The following RYR3 variants were observed in gnomAD, a reference collection of about 807,000 sequenced individuals.
RYR3 encodes ryanodine receptor 3, also known as brain ryanodine receptor-calcium release channel.
A neutral mutation model predicts 584.3 loss-of-function variants in RYR3; 207 were observed. The ratio of observed to expected loss-of-function variants is 0.35; its 90% confidence interval spans 0.32 to 0.40. The LOEUF is 0.40. Ranked by LOEUF, RYR3 falls within the 10% of genes least tolerant of loss-of-function variation. RYR3 has a pLI of 1.00. For synonymous variants in RYR3, 2,416 were observed against 2,248.5 expected (o/e 1.07, Z -2.11); for missense variants, 5,616 against 6,089.2 (o/e 0.92, Z 2.59).
chr15:33,723,991 C>A, intron 44 of RYR3, 74 bp from the exon 45 acceptor site: 1 of 757,534 alleles, frequency 1.3e-6, no homozygotes. Flanking sequence ...GCTTCCATAT[C>A]AAGCAGCTTA....
chr15:33,378,578 AG>A (rs2040924736), intron 1 of RYR3, among the ~76,000 whole-genome samples: 1 of 152,224 alleles, frequency 6.6e-6, no homozygotes, highest in Non-Finnish European at 1.5e-5. Context: ...GAAGGGATCT[AG>A]TGTTTTTTAT....
intron 25 of RYR3, 140 bp from the exon 26 acceptor site, chr15:33,635,474 G>A: frequency 1.5e-6 from 1 of 656,288 alleles, no homozygotes; most frequent in Non-Finnish European, 2.7e-6. Flanking sequence ...TGAACAGAAT[G>A]CCATATTGGA....
chr15:33,724,393 T>A (rs1366186577), intron 45 of RYR3, among the ~76,000 whole-genome samples: 2 of 152,226 alleles, frequency 1.3e-5, no homozygotes, highest in Non-Finnish European at 2.9e-5. Context: ...CTTGTGTGAT[T>A]TCTCTGTGGC....
chr15:33,784,193 G>T (rs892728542), intron 65 of RYR3, among the ~76,000 whole-genome samples: 2 of 152,202 alleles, frequency 1.3e-5, no homozygotes, highest in African/African-American at 4.8e-5. Flanking sequence ...CTCCAAGATA[G>T]CTGGGATTAT....
At chr15:33,851,532 A>G (rs1465100608) in intron 94 of RYR3, 2 of 152,126 alleles carry the variant, frequency 1.3e-5, no homozygotes, top group Non-Finnish European at 2.9e-5. Context: ...TCTCTATGCC[A>G]CACTTTAAGG....
At chr15:33,786,114 C>T (rs1199638796) in intron 66 of RYR3, 132 bp downstream of exon 66, 10 of 717,726 alleles carry the variant, frequency 1.4e-5, no homozygotes, top group Admixed American at 3.1e-5. Context: ...CATGCCCACC[C>T]CAGTTGCTTA....
chr15:33,384,909 G>T (rs1595921025), intron 1 of RYR3, among the ~76,000 whole-genome samples: 3 of 152,038 alleles, frequency 2.0e-5, no homozygotes, highest in African/African-American at 7.2e-5. Context: ...AGGTAGTGTG[G>T]AATTTCCAAC....
rs760734983 is a variant in RYR3, at chr15:33,660,413, G to A, written c.4612G>A (p.Glu1538Lys). Residue 1538 changes from glutamate to lysine, a missense_variant, in exon 34 of 104, where the codon GAG becomes AAG. Physicochemically the swap from Glu to Lys is moderately conservative, Grantham distance 56. Coordinates refer to ENST00000634891, the MANE Select transcript of RYR3 (RefSeq NM_001036.6). Reference protein sequence around the residue: ...PLQMMALHIPEENRCVDILEL... With the variant: ...PLQMMALHIPKENRCVDILEL... ...GCAGATGATGGCGCTCCACATCCCC[G>A]AGGAGAACAGGTACCAGAGGGGCCC... The A allele has an allele frequency of 1.2e-5, 18 of 1,562,142 alleles. No homozygotes were observed. The highest frequency in any genetic ancestry group is 4.7e-5 in the South Asian group (4 of 84,454).
In RYR3 at chr15:33,444,993, T is replaced by C. The variant is rs182322606; in HGVS notation, c.52-28426T>C. ...GGAAATGAAGACAGTGAGTAGCCTA[T>C]GTAGGGCTTTAGAGGGCACTATAAG... On this transcript the variant is annotated intron_variant, in intron 1 of 103. Transcript: ENST00000634891. Among the ~76,000 whole-genome samples, 329 of 152,112 alleles carry C rather than the reference T, an allele frequency of 2.2e-3. 2 individuals carry two copies. The highest frequency in any genetic ancestry group is 7.7e-3 in the African/African-American group (321 of 41,494).
chr15:33,346,008 T>C (rs998411406), intron 1 of RYR3, among the ~76,000 whole-genome samples: 2 of 152,256 alleles, frequency 1.3e-5, no homozygotes, highest in East Asian at 1.9e-4. Flanking sequence ...TAGATGTTAC[T>C]GTATTTATTT....
intron 1 of RYR3, among the ~76,000 whole-genome samples, chr15:33,371,929 T>C (rs952789178): frequency 7.2e-5 from 11 of 152,340 alleles, no homozygotes; most frequent in Admixed American, 3.9e-4. Context: ...CCAACCAACT[T>C]GTTTATCTGG....
chr15:33,552,408 G>A (rs1431642144), intron 10 of RYR3, among the ~76,000 whole-genome samples: 1 of 152,142 alleles, frequency 6.6e-6, no homozygotes, highest in African/African-American at 2.4e-5. Flanking sequence ...GGAGAAGCAA[G>A]CAGCGCATGG....
intron 1 of RYR3, among the ~76,000 whole-genome samples, chr15:33,392,851 A>G (rs1377054567): frequency 1.3e-5 from 2 of 152,232 alleles, no homozygotes; most frequent in Non-Finnish European, 2.9e-5. Context: ...ATTATATCAC[A>G]TGTTGAAAAG....
intron 1 of RYR3, among the ~76,000 whole-genome samples, chr15:33,346,891 C>T (rs974694014): frequency 4.6e-5 from 7 of 151,960 alleles, no homozygotes; most frequent in African/African-American, 1.7e-4. Flanking sequence ...TTGCTTGAGG[C>T]CAGGAGTTCG....
rs62012274 is a variant in RYR3 at position 33,486,498 on chromosome 15, G to A, written c.171+12960G>A. On this transcript the variant is annotated intron_variant, in intron 2 of 103. Coordinates refer to ENST00000634891, the MANE Select transcript of RYR3 (RefSeq NM_001036.6). Reference sequence around the variant, plus strand: ...TCTCAACTTGATTATATCTGATAAGGTCATATTCACAGGTACAGGGGGTTA... The same window carrying A: ...TCTCAACTTGATTATATCTGATAAGATCATATTCACAGGTACAGGGGGTTA... 5.1e-3 allele frequency among the ~76,000 whole-genome samples: 776 copies of A among 152,172 alleles called. 6 individuals are homozygous for A. Among genetic ancestry groups the A allele is most frequent in the Admixed American group, 0.011 (175 of 15,286 alleles).
chr15:33,858,884 ACT>A (rs1377795451), intron 99 of RYR3: 1 of 151,514 alleles, frequency 6.6e-6, no homozygotes, highest in African/African-American at 2.4e-5. Context: ...TTGACGAAAA[ACT>A]CTCCATGTGC....
chr15:33,766,361 A>G (rs529218284), intron 60 of RYR3, among the ~76,000 whole-genome samples: 17 of 152,114 alleles, frequency 1.1e-4, no homozygotes, highest in Non-Finnish European at 2.1e-4. Context: ...CTGCACCCTA[A>G]TTACTTACTC....
intron 1 of RYR3, among the ~76,000 whole-genome samples, chr15:33,375,980 C>T (rs1051030715): frequency 7.9e-5 from 12 of 152,112 alleles, no homozygotes; most frequent in East Asian, 3.9e-4. Flanking sequence ...AGGAGAATGG[C>T]GTGAACCCGG....
intron 1 of RYR3, among the ~76,000 whole-genome samples, chr15:33,427,146 G>A (rs1441527454): frequency 6.6e-6 from 1 of 152,188 alleles, no homozygotes; most frequent in Non-Finnish European, 1.5e-5. Context: ...GGATCCAGGA[G>A]GATATGCAGA....
Sources: allele counts gnomAD v4.1 joint callset (sites outside exome capture counted in the v4.1 genomes callset), GRCh38; gene constraint gnomAD v4.1.1; transcripts MANE v1.5; gene names NCBI Gene and HGNC (gene_info 2026-07-23, HGNC 2026-07-21).